Variants in CRAT observed in about 807,000 individuals in gnomAD.
The protein encoded by CRAT is carnitine O-acetyltransferase.
Under a neutral mutation model 73.7 loss-of-function variants are expected in CRAT, and 66 were observed. That is an observed-to-expected ratio of 0.90 (90% confidence interval 0.73 to 1.10). CRAT has a LOEUF of 1.10. Ranked by LOEUF, CRAT falls within the 50% of genes least tolerant of loss-of-function variation. The pLI is 0.00. For synonymous variants in CRAT, 321 were observed against 343.2 expected, an observed-to-expected ratio of 0.94 and a Z score of 0.71; for missense variants, 745 against 846.9, an observed-to-expected ratio of 0.88 and a Z score of 1.49.
In CRAT at chr9:129,100,703, G is replaced by C. The variant is rs757004840; in HGVS notation, c.806-14C>G. On this transcript the variant is annotated splice_polypyrimidine_tract_variant and intron_variant, in intron 6 of 13. Transcript: ENST00000318080. ...GGTTCACCTTGTCTGCAGGTGGCAT[G>C]GGGCGGGGAGACGCAAAATGGGGTC... The C allele has an allele frequency of 3.2e-5, 51 of 1,609,236 alleles. 1 individual carries two copies. The South Asian group carries it at 5.5e-4, about 17-fold the overall frequency.
At chr9:129,096,943 C>T (rs1847312517) in intron 12 of CRAT, among the ~76,000 whole-genome samples, 1 of 152,046 alleles carries the variant, frequency 6.6e-6, no homozygotes, top group Admixed American at 6.6e-5. Flanking sequence ...TGGTGGGTGC[C>T]TGTAATCCCA....
intron 6 of CRAT, among the ~76,000 whole-genome samples, chr9:129,101,548 C>T (rs913053547): frequency 1.3e-5 from 2 of 152,242 alleles, no homozygotes; most frequent in East Asian, 1.9e-4. Context: ...GTTAAAGACA[C>T]GCTGTTTGAG....
intron 1 of CRAT, chr9:129,109,275 G>T: frequency 1.5e-6 from 2 of 1,304,172 alleles, no homozygotes; most frequent in African/African-American, 1.5e-5. Flanking sequence ...CCTGGGATCG[G>T]TCCTGAAATT....
In CRAT at chr9:129,100,812, G is replaced by C. The variant is rs202095546; in HGVS notation, c.806-123C>G. 1.7e-5 allele frequency: 21 copies of C among 1,207,192 alleles called. No homozygotes were observed. In the East Asian group the frequency reaches 5.5e-4, roughly 32 times the overall value. 74.8% of individuals were successfully genotyped at this position (1,207,192 alleles called of 1,614,324 possible). A position where few individuals can be genotyped will look rare whatever the true frequency, so the allele number is the denominator to read the frequency against. On this transcript the variant is annotated intron_variant, in intron 6 of 13. Coordinates refer to ENST00000318080, the MANE Select transcript of CRAT (RefSeq NM_000755.5). ...ACCCATTTGTACCTCTCTGGGATGAGGAGACCCCCCACCTCGCCGGCCCTC... is the reference window on the plus strand; with the variant it reads ...ACCCATTTGTACCTCTCTGGGATGACGAGACCCCCCACCTCGCCGGCCCTC...
At position 129,095,544 on chromosome 9, in the gene CRAT, A is replaced by G. The variant is rs768880446; in HGVS notation, c.1734T>C (p.Tyr578=). The G allele has an allele frequency of 3.1e-6, 5 of 1,613,502 alleles. No homozygotes were observed. Among genetic ancestry groups the G allele is most frequent in the Non-Finnish European group, 3.4e-6 (4 of 1,179,996 alleles). ...AGTTGATGTGGGCCTCCATGGGGTT[A>G]TAGCAGACACCGTAGCCGTCGGGGA... ...PVVPDGYGVC[Y]NPMEAHINFS... Residue 578 remains tyrosine (Y), a synonymous_variant, in exon 14 of 14, where the codon TAT becomes TAC. Transcript: ENST00000318080.
intron 2 of CRAT, among the ~76,000 whole-genome samples, chr9:129,104,729 T>C (rs1847896023): frequency 6.6e-6 from 1 of 150,910 alleles, no homozygotes; most frequent in Non-Finnish European, 1.5e-5. Context: ...CTCAGCCTCC[T>C]GAGTAAGTGG....
At chr9:129,109,458 G>T (rs376384033) in intron 1 of CRAT, among the ~76,000 whole-genome samples, 1 of 152,200 alleles carries the variant, frequency 6.6e-6, no homozygotes, top group Non-Finnish European at 1.5e-5. Context: ...GTCCAAGAGC[G>T]GAGGACTTTT....
At chr9:129,108,641 G>A in intron 1 of CRAT, 1 of 1,190,694 alleles carries the variant, frequency 8.4e-7, no homozygotes, top group Non-Finnish European at 1.1e-6. Context: ...GCCTGGCATG[G>A]AGGGTGAGAG....
chr9:129,097,253 G>T lies in CRAT; in HGVS notation c.1524C>A (p.Asp508Glu). The change falls in exon 12 of 14, where the codon GAC becomes GAA. Residue 508 changes from aspartate (D) to glutamate (E), a missense_variant. By Grantham distance (45) the Asp-to-Glu change is conservative (BLOSUM62 2). Transcript: ENST00000318080. ...AGGCACAAGCGGGCTCACTTACCCG[G>T]TCGGTGTAGCCTCGGTGGGCCTGCA... The part of the protein sequence containing the change: ...KAVQAHRGYT[D>E]RAIRGEAFDR... 1 of 1,559,276 alleles carries T rather than the reference G, an allele frequency of 6.4e-7. No individual in the cohort carries two copies. Among genetic ancestry groups the T allele is most frequent in the Non-Finnish European group, 8.7e-7 (1 of 1,151,450 alleles).
Position 129,110,672 on chromosome 9 carries a change from C to T in CRAT, c.-163G>A. On this transcript the variant is annotated 5_prime_UTR_variant, in exon 1 of 14. Transcript: ENST00000318080. The surrounding 1 kb of genome is among the most constrained non-coding windows in gnomAD (Gnocchi z 5.3). Reference sequence around the variant, plus strand: ...CCGGTAGAGGCAGCCCCGCGCCCACCCTCTGGGCCGAGCGGGCTGCGGGAA... The same window carrying T: ...CCGGTAGAGGCAGCCCCGCGCCCACTCTCTGGGCCGAGCGGGCTGCGGGAA... 5 of 897,922 alleles carry T rather than the reference C, an allele frequency of 5.6e-6. No individual in the cohort carries two copies. Among genetic ancestry groups the T allele is most frequent in the Non-Finnish European group, 4.7e-6 (3 of 638,726 alleles). The allele number at this position is 897,922 out of a possible 1,614,324, so 55.6% of individuals were successfully genotyped here. A position where few individuals can be genotyped will look rare whatever the true frequency, so the allele number is the denominator to read the frequency against.
At position 129,107,978 on chromosome 9, in the gene CRAT, G is replaced by A. The variant is rs769789439; in HGVS notation, c.127C>T (p.Leu43Phe). ...DALPRLPVPPLQQSLDHYLKA... is the reference protein window; with the variant it reads ...DALPRLPVPPFQQSLDHYLKA... ...AGGTAGTGGTCCAGGGACTGCTGGA[G>A]AGGGGGCACGGGCAGCCGTGGCAGT... The change falls in exon 2 of 14, where the codon CTC becomes TTC. Residue 43 changes from leucine (L) to phenylalanine (F), a missense_variant. Physicochemically the swap from Leu to Phe is conservative, Grantham distance 22. Transcript: ENST00000318080. The surrounding 1 kb of genome is among the most constrained non-coding windows in gnomAD (Gnocchi z 5.0). The A allele has an allele frequency of 6.2e-7, 1 of 1,603,316 alleles. No individual in the cohort carries two copies. The highest frequency in any genetic ancestry group is 8.5e-7 in the Non-Finnish European group (1 of 1,176,642).
At chr9:129,098,854 C>A in intron 8 of CRAT, among the ~76,000 whole-genome samples, 1 of 150,972 alleles carries the variant, frequency 6.6e-6, no homozygotes, top group African/African-American at 2.4e-5. Flanking sequence ...TGCTCTGTTG[C>A]CCAGGCTGGA....
chr9:129,100,793 T>C (rs187990664), intron 6 of CRAT, 104 bp from the exon 7 acceptor site: 5 of 1,381,362 alleles, frequency 3.6e-6, no homozygotes, highest in African/African-American at 1.4e-5. Context: ...TCTGACCCAT[T>C]TGTACCTCTC....
intron 1 of CRAT, among the ~76,000 whole-genome samples, chr9:129,109,666 G>C (rs945762336): frequency 2.6e-5 from 4 of 152,136 alleles, no homozygotes; most frequent in Non-Finnish European, 4.4e-5. Flanking sequence ...GGGTGCGGTG[G>C]AGGCTCAGGG....
In CRAT at chr9:129,095,165, A is replaced by G. The variant is rs1356634969; in HGVS notation, c.*232T>C. The stretch of plus-strand genomic sequence containing the variant: ...GGGGCCCGGGCCTAACGTCCTGCTC[A>G]GCCTCTGCACTCAGCCCCAGGTCGG... On this transcript the variant is annotated 3_prime_UTR_variant, in exon 14 of 14. Transcript: ENST00000318080. 1 of 584,356 alleles carries G rather than the reference A, an allele frequency of 1.7e-6. No individual in the cohort carries two copies. Among genetic ancestry groups the G allele is most frequent in the Non-Finnish European group, 3.0e-6 (1 of 329,470 alleles). The allele number at this position is 584,356 out of a possible 1,614,324, so 36.2% of individuals were successfully genotyped here.
At chr9:129,098,427 C>T in intron 9 of CRAT, 56 bp from the exon 10 acceptor site, 3 of 1,605,014 alleles carry the variant, frequency 1.9e-6, no homozygotes, top group Non-Finnish European at 2.6e-6. Flanking sequence ...CTGCCAACCC[C>T]ACGGAGGGTC....
Position 129,104,246 on chromosome 9 carries a change from A to C in CRAT, c.352T>G (p.Ser118Ala). 36 of 1,613,628 alleles carry C rather than the reference A, an allele frequency of 2.2e-5. No homozygotes were observed. Among genetic ancestry groups the C allele is most frequent in the Non-Finnish European group, 2.9e-5 (34 of 1,179,838 alleles). The part of the protein sequence containing the change: ...LQYRQPVVIY[S>A]SPGVMLPKQD... Reference sequence around the variant, plus strand: ...TTGGGTAGCATCACGCCTGGGCTCGAGTAGATGACCACAGGCTGGCGGTAC... The same window carrying C: ...TTGGGTAGCATCACGCCTGGGCTCGCGTAGATGACCACAGGCTGGCGGTAC... Residue 118 changes from serine to alanine, a missense_variant, in exon 3 of 14, where the codon TCG becomes GCG. Ser to Ala is a moderately conservative substitution (Grantham distance 99, BLOSUM62 1). Transcript: ENST00000318080.
chr9:129,095,029 T>G lies in CRAT; in HGVS notation c.*368A>C. 1 of 283,384 alleles carries G rather than the reference T, an allele frequency of 3.5e-6. No homozygotes were observed. Among genetic ancestry groups the G allele is most frequent in the Non-Finnish European group, 6.8e-6 (1 of 146,928 alleles). 17.6% of individuals were successfully genotyped at this position (283,384 alleles called of 1,614,324 possible). On this transcript the variant is annotated 3_prime_UTR_variant, in exon 14 of 14. Coordinates refer to ENST00000318080, the MANE Select transcript of CRAT (RefSeq NM_000755.5). ...TACAGATGGTGGCCTGGTCATGGAG[T>G]TGGCAGGGAGTGGCCGGGGCTGAGC...
intron 7 of CRAT, chr9:129,100,245 A>G: frequency 1.7e-6 from 1 of 584,320 alleles, no homozygotes; most frequent in South Asian, 2.2e-5. Flanking sequence ...TTGTGCCAGG[A>G]TTGCACTGGT....
Sources: allele counts gnomAD v4.1 joint callset (sites outside exome capture counted in the v4.1 genomes callset), GRCh38; gene constraint gnomAD v4.1.1; non-coding constraint Gnocchi (gnomAD v3.1); transcripts MANE v1.5; gene names NCBI Gene and HGNC (gene_info 2026-07-23, HGNC 2026-07-21).